RPS6KA2: variants seen among roughly 807,000 people sequenced by gnomAD.
The protein encoded by RPS6KA2 is ribosomal protein S6 kinase A2.
A neutral mutation model predicts 91.8 loss-of-function variants in RPS6KA2; 42 were observed. That is an observed-to-expected ratio of 0.46 (90% CI 0.36 to 0.59). The LOEUF is 0.59. Ranked by LOEUF, RPS6KA2 falls within the 20% of genes least tolerant of loss-of-function variation. The pLI, the probability that RPS6KA2 is intolerant of heterozygous loss-of-function variation, is 0.00. For synonymous variants in RPS6KA2, 414 were observed against 393.6 expected (o/e 1.05, Z -0.61); for missense variants, 798 against 978.5 (o/e 0.82, Z 2.46).
chr6:166,718,006 G>A (rs559225582), intron 2 of RPS6KA2, among the ~76,000 whole-genome samples: 3 of 152,080 alleles, frequency 2.0e-5, no homozygotes, highest in Non-Finnish European at 2.9e-5. Context: ...CCGCTACCAC[G>A]CCCAGCTAAT....
intron 1 of RPS6KA2, among the ~76,000 whole-genome samples, chr6:166,575,670 C>A (rs919084396): frequency 6.6e-6 from 1 of 151,938 alleles, no homozygotes; most frequent in Non-Finnish European, 1.5e-5. Flanking sequence ...GAGTTAAGAC[C>A]TCAGAACAAC....
chr6:166,477,303 C>G (rs981822647), intron 10 of RPS6KA2, among the ~76,000 whole-genome samples: 1 of 152,118 alleles, frequency 6.6e-6, no homozygotes, highest in Non-Finnish European at 1.5e-5. Context: ...CCGAGGTGAG[C>G]CATTCTCCAT....
At chr6:166,763,855 G>C (rs995154508) in intron 2 of RPS6KA2, among the ~76,000 whole-genome samples, 2 of 152,166 alleles carry the variant, frequency 1.3e-5, no homozygotes, top group African/African-American at 2.4e-5. Flanking sequence ...CGTGTACCTC[G>C]AGAAAGAGGG....
Position 166,490,506 on chromosome 6 carries a change from T to C in RPS6KA2, c.818+165A>G, listed in dbSNP as rs1265695431. Among the ~76,000 whole-genome samples, 2 of 152,210 alleles carry C rather than the reference T, an allele frequency of 1.3e-5. No homozygotes were observed. On this transcript the variant is annotated intron_variant, in intron 9 of 20. Transcript: ENST00000265678. This position sits in a 1 kb window ranked among gnomAD's most constrained non-coding sequence, Gnocchi z 4.2. ...ACCACTGCTACTGGCGGACGAGCGC[T>C]ACCATTTTGTGTAAAACCAGTGACT...
chr6:166,494,948 G>A lies in RPS6KA2; in HGVS notation c.747+3560C>T, dbSNP rs192872780. Among the ~76,000 whole-genome samples, 78 of 152,292 alleles carry A rather than the reference G, an allele frequency of 5.1e-4. No homozygotes were observed. The highest frequency in any genetic ancestry group is 1.8e-3 in the African/African-American group (75 of 41,552). Reference sequence around the variant, plus strand: ...GGCTTGGGTAAGATACGACTTCAAAGGTCACCCGAGGCCCATCTCTTAGCT... The same window carrying A: ...GGCTTGGGTAAGATACGACTTCAAAAGTCACCCGAGGCCCATCTCTTAGCT... On this transcript the variant is annotated intron_variant, in intron 8 of 20. Transcript: ENST00000265678. This position sits in a 1 kb window ranked among gnomAD's most constrained non-coding sequence, Gnocchi z 5.1.
intron 2 of RPS6KA2, among the ~76,000 whole-genome samples, chr6:166,632,397 G>C (rs1408224662): frequency 6.6e-6 from 1 of 152,150 alleles, no homozygotes; most frequent in Non-Finnish European, 1.5e-5. Flanking sequence ...CAGATCACCT[G>C]AGATCAGGAG....
rs1786858406 is a variant in RPS6KA2, at chr6:166,626,007, A to C, written c.99+914T>G. On this transcript the variant is annotated intron_variant, in intron 1 of 20. Coordinates refer to ENST00000265678, the MANE Select transcript of RPS6KA2 (RefSeq NM_021135.6). This position sits in a 1 kb window ranked among gnomAD's most constrained non-coding sequence, Gnocchi z 4.1. ...CATTTGAGATTGTTCCAGCTGAAAC[A>C]AACCAACCAAAACCCCACAGGTGCC... Among the ~76,000 whole-genome samples, 2 of 152,246 alleles carry C rather than the reference A, an allele frequency of 1.3e-5. No homozygotes were observed. The highest frequency in any genetic ancestry group is 4.8e-5 in the African/African-American group (2 of 41,458).
intron 3 of RPS6KA2, among the ~76,000 whole-genome samples, chr6:166,517,813 C>T (rs1393499311): frequency 4.6e-5 from 7 of 152,170 alleles, no homozygotes; most frequent in Non-Finnish European, 8.8e-5. Flanking sequence ...ACAGCATGAG[C>T]GATCTGTGCC....
At chr6:166,429,376 A>G (rs976248254) in intron 16 of RPS6KA2, among the ~76,000 whole-genome samples, 1 of 151,962 alleles carries the variant, frequency 6.6e-6, no homozygotes, top group Non-Finnish European at 1.5e-5. Flanking sequence ...AGCATGGCAC[A>G]TGTATACATA....
chr6:166,718,415 C>T (rs1312750483), intron 2 of RPS6KA2, among the ~76,000 whole-genome samples: 2 of 152,098 alleles, frequency 1.3e-5, no homozygotes, highest in African/African-American at 2.4e-5. Flanking sequence ...ATCAGGAAGG[C>T]AGAAAAGGCT....
At chr6:166,745,212 C>A (rs545834870) in intron 2 of RPS6KA2, among the ~76,000 whole-genome samples, 4 of 143,722 alleles carry the variant, frequency 2.8e-5, no homozygotes, top group Non-Finnish European at 6.0e-5. Context: ...AGTGCAGTGG[C>A]GCCATCTCGG....
intron 2 of RPS6KA2, among the ~76,000 whole-genome samples, chr6:166,657,504 TTGCC>T (rs1348833637): frequency 6.6e-6 from 1 of 152,214 alleles, no homozygotes; most frequent in Non-Finnish European, 1.5e-5. Context: ...TACGTCCTCA[TTGCC>T]TGAAACTAAC....
At chr6:166,592,830 C>A (rs991726041) in intron 1 of RPS6KA2, among the ~76,000 whole-genome samples, 8 of 151,154 alleles carry the variant, frequency 5.3e-5, no homozygotes, top group African/African-American at 2.0e-4. Flanking sequence ...AGCGATCTAT[C>A]CTAATTATAT....
At chr6:166,618,916 G>T (rs138626282) in intron 1 of RPS6KA2, among the ~76,000 whole-genome samples, 1 of 151,634 alleles carries the variant, frequency 6.6e-6, no homozygotes, top group South Asian at 2.1e-4. Flanking sequence ...CACACTGGAC[G>T]CTGCGCGCAA....
intron 2 of RPS6KA2, among the ~76,000 whole-genome samples, chr6:166,797,635 G>C (rs537718058): frequency 1.3e-5 from 2 of 152,174 alleles, no homozygotes; most frequent in South Asian, 4.2e-4. Context: ...CTTCATCCTT[G>C]TTGTCCAGGC....
At chr6:166,524,827 A>G (rs764129176) in intron 3 of RPS6KA2, among the ~76,000 whole-genome samples, 3 of 152,188 alleles carry the variant, frequency 2.0e-5, no homozygotes, top group Non-Finnish European at 2.9e-5. Context: ...GCACCCCAAG[A>G]TGACACAGCT....
chr6:166,758,665 C>T (rs1887573), intron 2 of RPS6KA2, among the ~76,000 whole-genome samples: 2,603 of 152,190 alleles, frequency 0.017, 75 homozygotes, highest in African/African-American at 0.058. Context: ...CAATCGCCTT[C>T]GAGGTGACAG....
At chr6:166,804,430 G>T (rs866338663) in intron 2 of RPS6KA2, among the ~76,000 whole-genome samples, 1 of 151,688 alleles carries the variant, frequency 6.6e-6, no homozygotes, top group East Asian at 1.9e-4. Flanking sequence ...ATCTCACTGC[G>T]GGGAAATTAA....
At chr6:166,711,052 G>A (rs1253942168) in intron 2 of RPS6KA2, among the ~76,000 whole-genome samples, 3 of 151,966 alleles carry the variant, frequency 2.0e-5, no homozygotes, top group Non-Finnish European at 2.9e-5. Context: ...TAGTCTGTAA[G>A]GAGGTGCCCC....
Sources: gnomAD v4.1 joint callset for allele counts (sites outside exome capture counted in the v4.1 genomes callset) on GRCh38, gnomAD v4.1.1 for gene constraint, Gnocchi (gnomAD v3.1) non-coding constraint, MANE v1.5 for transcripts, NCBI Gene and HGNC (gene_info 2026-07-23, HGNC 2026-07-21) for gene names.